Variants in MAPK10 observed in about 807,000 individuals in gnomAD.
MAPK10 encodes the protein mitogen-activated protein kinase 10.
In MAPK10, 25 loss-of-function variants were observed where a neutral mutation model predicts 59.3. That is an observed-to-expected ratio of 0.42 (90% CI 0.31 to 0.59). The LOEUF (loss-of-function observed/expected upper bound fraction) is 0.59, where lower values mean the gene tolerates loss of function less well. MAPK10 is among the 20% of genes least tolerant of loss of function. MAPK10 has a pLI of 0.15. For synonymous variants in MAPK10, 190 were observed against 200.5 expected (o/e 0.95, Z 0.44); for missense variants, 351 against 568.9 (o/e 0.62, Z 3.90).
intron 11 of MAPK10, among the ~76,000 whole-genome samples, chr4:86,043,629 A>T (rs1451685263): frequency 6.6e-6 from 1 of 152,184 alleles, no homozygotes; most frequent in Non-Finnish European, 1.5e-5. Flanking sequence ...ATTTGTAAGA[A>T]GTAATTGCCA....
rs116687254 is a variant in MAPK10 at position 86,175,618 on chromosome 4, G to A, written c.67-16151C>T. ...TCCTCCTGCTCCTGCCATGTAAGAC[G>A]TGCCTATTTCCCCTGCACCTTCCAC... is the stretch of plus-strand genomic sequence containing the variant. On this transcript the variant is annotated intron_variant, in intron 3 of 13. Transcript: ENST00000641462. Among the ~76,000 whole-genome samples, 559 of 152,086 alleles carry A rather than the reference G, an allele frequency of 3.7e-3. 9 individuals carry two copies. Among genetic ancestry groups the A allele is most frequent in the African/African-American group, 0.013 (526 of 41,486 alleles).
intron 1 of MAPK10, among the ~76,000 whole-genome samples, chr4:86,541,952 C>CAT: frequency 1.8e-5 from 1 of 54,612 alleles, no homozygotes; most frequent in Non-Finnish European, 4.6e-5. Context: ...CACCGGCACA[C>CAT]ACACACACAC....
chr4:86,149,866 G>A (rs1260912766), intron 4 of MAPK10, among the ~76,000 whole-genome samples: 4 of 152,138 alleles, frequency 2.6e-5, no homozygotes, highest in Non-Finnish European at 5.9e-5. Context: ...GCCTTTCACA[G>A]CCCTCAGTAT....
At chr4:86,128,980 T>C (rs557522913) in intron 4 of MAPK10, among the ~76,000 whole-genome samples, 52 of 152,262 alleles carry the variant, frequency 3.4e-4, no homozygotes, top group African/African-American at 1.2e-3. Context: ...AAAATTCCTA[T>C]ATGCCTTTCT....
At position 86,397,847 on chromosome 4, in the gene MAPK10, C is replaced by T. The variant is rs368606846; in HGVS notation, c.-121-43203G>A. Among the ~76,000 whole-genome samples, 432 of 133,510 alleles carry T rather than the reference C, an allele frequency of 3.2e-3. 2 individuals carry two copies. The highest frequency in any genetic ancestry group is 0.011 in the African/African-American group (393 of 34,620). 87.6% of individuals were successfully genotyped at this position (133,510 alleles called of 152,430 possible). A position where few individuals can be genotyped will look rare whatever the true frequency, so the allele number is the denominator to read the frequency against. ...TGAATTTCCCAGATCATTACGTAAG[C>T]TCTGAATCTGCTATGGCAAAAAAAA... On this transcript the variant is annotated intron_variant, in intron 1 of 13. Coordinates refer to the MAPK10 transcript ENST00000361569.
chr4:86,166,903 CA>C (rs893549610), intron 3 of MAPK10, among the ~76,000 whole-genome samples: 15 of 149,672 alleles, frequency 1.0e-4, no homozygotes, highest in East Asian at 2.0e-4. Context: ...CATAGAGACA[CA>C]AAAAAAAACC....
chr4:86,182,141 A>T (rs1188239087), intron 3 of MAPK10, among the ~76,000 whole-genome samples: 1 of 152,068 alleles, frequency 6.6e-6, no homozygotes, highest in Non-Finnish European at 1.5e-5. Flanking sequence ...CATTACAAAG[A>T]AAAATTTCTC....
chr4:86,359,288 C>CTCTCTCTCTCTGTGTGTGTGTG (rs796310826), intron 1 of MAPK10, among the ~76,000 whole-genome samples: 1 of 94,606 alleles, frequency 1.1e-5, no homozygotes, highest in African/African-American at 5.3e-5. Context: ...CTCTCTCTCT[C>CTCTCTCTCTCTGTGTGTGTGTG]TGTGTGTGTG....
chr4:86,062,735 C>T (rs1243443081), intron 11 of MAPK10, among the ~76,000 whole-genome samples: 2 of 152,024 alleles, frequency 1.3e-5, no homozygotes, highest in Non-Finnish European at 2.9e-5. Context: ...TGAATTTCAT[C>T]AGAGATAAAA....
At chr4:86,515,452 T>C (rs1756579577) in intron 1 of MAPK10, among the ~76,000 whole-genome samples, 1 of 152,192 alleles carries the variant, frequency 6.6e-6, no homozygotes, top group South Asian at 2.1e-4. Context: ...ATTCCCACCA[T>C]CAGTGTAAAA....
At chr4:86,581,739 C>G (rs1278264785) in intron 1 of MAPK10, among the ~76,000 whole-genome samples, 1 of 147,364 alleles carries the variant, frequency 6.8e-6, no homozygotes, top group Non-Finnish European at 1.5e-5. Flanking sequence ...AGTATAAGAA[C>G]TCTAAATTCT....
At chr4:86,137,229 T>C (rs28846216) in intron 4 of MAPK10, among the ~76,000 whole-genome samples, 1 of 151,692 alleles carries the variant, frequency 6.6e-6, no homozygotes, top group Non-Finnish European at 1.5e-5. Flanking sequence ...CAACAGAATA[T>C]ACATTTTTTC....
intron 1 of MAPK10, among the ~76,000 whole-genome samples, chr4:86,374,174 G>C (rs1461977887): frequency 6.6e-6 from 1 of 152,012 alleles, no homozygotes; most frequent in African/African-American, 2.4e-5. Flanking sequence ...ACCAAACACC[G>C]CATGTTCTCA....
At chr4:86,499,247 G>A (rs556388524) in intron 1 of MAPK10, among the ~76,000 whole-genome samples, 2 of 152,222 alleles carry the variant, frequency 1.3e-5, no homozygotes, top group South Asian at 2.1e-4. Flanking sequence ...TATACAAAAG[G>A]AAAAGTAGCT....
At chr4:86,578,610 T>C (rs1471738578) in intron 1 of MAPK10, among the ~76,000 whole-genome samples, 1 of 151,778 alleles carries the variant, frequency 6.6e-6, no homozygotes, top group Non-Finnish European at 1.5e-5. Context: ...ATGCTTATTT[T>C]CAAAGGTTAA....
Position 86,460,859 on chromosome 4 carries a change from T to C in MAPK10, c.-262-106215A>G, listed in dbSNP as rs563483607. 3.3e-5 allele frequency among the ~76,000 whole-genome samples: 5 copies of C among 152,354 alleles called. No individual in the cohort carries two copies. The South Asian group carries it at 1.0e-3, about 32-fold the overall frequency. On this transcript the variant is annotated intron_variant, in intron 1 of 4. Transcript: ENST00000502302. Reference sequence around the variant, plus strand: ...AATCTATAATCTATAGAAACAATGCTTATCACTGGCTTACTGTCAATAAAT... The same window carrying C: ...AATCTATAATCTATAGAAACAATGCCTATCACTGGCTTACTGTCAATAAAT...
chr4:86,452,050 C>T (rs951378391), intron 1 of MAPK10, among the ~76,000 whole-genome samples: 2 of 152,154 alleles, frequency 1.3e-5, no homozygotes, highest in Admixed American at 6.5e-5. Context: ...AAAGATTAAA[C>T]GAGATGCCCA....
chr4:86,069,868 A>G (rs1203439580), intron 9 of MAPK10, among the ~76,000 whole-genome samples: 1 of 151,784 alleles, frequency 6.6e-6, no homozygotes, highest in East Asian at 1.9e-4. Flanking sequence ...ATAATTATAA[A>G]GATATACAGT....
At chr4:86,291,110 C>G (rs767934084) in intron 2 of MAPK10, among the ~76,000 whole-genome samples, 1 of 152,174 alleles carries the variant, frequency 6.6e-6, no homozygotes, top group African/African-American at 2.4e-5. Context: ...GATAACCAGA[C>G]AGCGGGAGAA....
Sources: allele counts gnomAD v4.1 joint callset (sites outside exome capture counted in the v4.1 genomes callset), GRCh38; gene constraint gnomAD v4.1.1; transcripts MANE v1.5; gene names NCBI Gene and HGNC (gene_info 2026-07-23, HGNC 2026-07-21).